Variants in EPM2A observed in about 807,000 individuals in gnomAD.
The protein encoded by EPM2A is laforin.
Under a neutral mutation model 26.5 loss-of-function variants are expected in EPM2A, and 21 were observed. The ratio of observed to expected loss-of-function variants is 0.79; its 90% CI spans 0.56 to 1.14. The LOEUF (loss-of-function observed/expected upper bound fraction) is 1.14, where lower values mean the gene tolerates loss of function less well. Ranked by LOEUF, EPM2A falls within the 50% of genes most tolerant of loss-of-function variation. The probability of loss-of-function intolerance (pLI) is 0.00; values close to 1 mark genes in which losing one functional copy is unlikely to be tolerated. For missense variants in EPM2A, 458 were observed against 440.8 expected, an observed-to-expected ratio of 1.04 and a Z score of -0.35; for synonymous variants, 217 against 177.6, an observed-to-expected ratio of 1.22 and a Z score of -1.76.
At chr6:145,490,269 C>T in intron 4 of EPM2A, 1 of 1,432,118 alleles carries the variant, frequency 7.0e-7, no homozygotes. Flanking sequence ...GGTTTACACC[C>T]AGTGTGTATT....
At chr6:145,693,006 T>C (rs1245780760) in intron 1 of EPM2A, among the ~76,000 whole-genome samples, 1 of 152,102 alleles carries the variant, frequency 6.6e-6, no homozygotes, top group Non-Finnish European at 1.5e-5. Flanking sequence ...CTTTGGGTAG[T>C]ATGGCCACTT....
intron 4 of EPM2A, among the ~76,000 whole-genome samples, chr6:145,464,857 T>C (rs1361333886): frequency 6.6e-6 from 1 of 152,194 alleles, no homozygotes; most frequent in Non-Finnish European, 1.5e-5. Flanking sequence ...GTAAGTCTGA[T>C]GGGCTTCCCT....
intron 4 of EPM2A, among the ~76,000 whole-genome samples, chr6:145,428,818 A>G (rs961153523): frequency 2.6e-5 from 4 of 152,360 alleles, no homozygotes; most frequent in Middle Eastern, 3.4e-3. Context: ...CTCAAGGACC[A>G]TTTGGAAGCC....
At chr6:145,409,711 T>C (rs1778618525) in intron 4 of EPM2A, among the ~76,000 whole-genome samples, 1 of 152,198 alleles carries the variant, frequency 6.6e-6, no homozygotes, top group Non-Finnish European at 1.5e-5. Context: ...TTTCATCTAC[T>C]ATATGAGCTA....
chr6:145,621,559 CTG>C (rs1775634247), downstream of EPM2A, among the ~76,000 whole-genome samples: 1 of 151,212 alleles, frequency 6.6e-6, no homozygotes, highest in African/African-American at 2.4e-5. Context: ...CTCACCAAGA[CTG>C]TGCAAGGATT....
intron 1 of EPM2A, among the ~76,000 whole-genome samples, chr6:145,691,376 A>G (rs1441199144): frequency 3.9e-5 from 6 of 152,164 alleles, no homozygotes; most frequent in African/African-American, 1.4e-4. Flanking sequence ...TCAACCAAGA[A>G]TCTTACTTTG....
At chr6:145,711,332 C>T (rs1562512153) in intron 1 of EPM2A, among the ~76,000 whole-genome samples, 1 of 152,158 alleles carries the variant, frequency 6.6e-6, no homozygotes, top group Non-Finnish European at 1.5e-5. Flanking sequence ...ACAGCCCAGC[C>T]TACAAAAGTT....
downstream of EPM2A, among the ~76,000 whole-genome samples, chr6:145,622,997 G>A (rs1040744244): frequency 5.3e-5 from 8 of 152,100 alleles, no homozygotes; most frequent in African/African-American, 1.7e-4. Context: ...TGTAAAACAG[G>A]GATAATATCC....
chr6:145,524,366 C>A (rs985914502), intron 2 of EPM2A, among the ~76,000 whole-genome samples: 6 of 152,126 alleles, frequency 3.9e-5, no homozygotes, highest in Admixed American at 2.0e-4. Context: ...CCAAACTGCT[C>A]TCCACAATGG....
rs577921434 is a variant in EPM2A at position 145,720,147 on chromosome 6, T to A, written c.301+15051A>T. ...CAATAAAAAGACAACATTATCAAGC[T>A]AAAATTTCAGATTCAAACTTCTAAC... is the stretch of plus-strand genomic sequence containing the variant. On this transcript the variant is annotated intron_variant, in intron 1 of 3. Transcript: ENST00000367519. Among the ~76,000 whole-genome samples, 183 of 152,250 alleles carry A rather than the reference T, an allele frequency of 1.2e-3. 1 individual carries two copies. Among genetic ancestry groups the A allele is most frequent in the Non-Finnish European group, 2.3e-3 (154 of 68,000 alleles).
chr6:145,669,351 G>A (rs1779480054), intron 2 of EPM2A, among the ~76,000 whole-genome samples: 1 of 152,136 alleles, frequency 6.6e-6, no homozygotes, highest in South Asian at 2.1e-4. Context: ...GTTTTTAACT[G>A]AACCTTCTTC....
At chr6:145,534,715 A>G (rs895332162) in intron 2 of EPM2A, among the ~76,000 whole-genome samples, 6 of 152,214 alleles carry the variant, frequency 3.9e-5, no homozygotes, top group Non-Finnish European at 7.3e-5. Context: ...CTAGTAATGC[A>G]GTTCTGATTT....
chr6:145,612,719 A>G (rs1480126236), intron 2 of EPM2A, among the ~76,000 whole-genome samples: 2 of 146,902 alleles, frequency 1.4e-5, no homozygotes, highest in African/African-American at 5.0e-5. Flanking sequence ...TTATTTATAT[A>G]TATTATATAT....
intron 1 of EPM2A, among the ~76,000 whole-genome samples, chr6:145,715,451 C>A (rs1249503598): frequency 6.6e-6 from 1 of 152,126 alleles, no homozygotes; most frequent in Non-Finnish European, 1.5e-5. Flanking sequence ...AGGAAGTGAT[C>A]TTTTTCTCAT....
intron 4 of EPM2A, among the ~76,000 whole-genome samples, chr6:145,430,967 C>T (rs1289517774): frequency 6.6e-6 from 1 of 152,084 alleles, no homozygotes; most frequent in African/African-American, 2.4e-5. Context: ...CCAGATATAT[C>T]TCTTCTCCAA....
rs1467309063 is a variant in EPM2A at position 145,606,984 on chromosome 6, T to C, written c.340+28261A>G. On this transcript the variant is annotated intron_variant, in intron 2 of 3. Transcript: ENST00000450221. ...CAATCAGAAGCTGACAAGTAATTTA[T>C]ATAATTTAGGAGCTTTTCAGCAGAA... Among the ~76,000 whole-genome samples, 5 of 152,272 alleles carry C rather than the reference T, an allele frequency of 3.3e-5. No homozygotes were observed. In the East Asian group the frequency reaches 9.6e-4, roughly 29 times the overall value.
intron 4 of EPM2A, among the ~76,000 whole-genome samples, chr6:145,455,720 T>G (rs1779255216): frequency 6.6e-6 from 1 of 152,192 alleles, no homozygotes. Context: ...CTCCAAATAT[T>G]TTAATGTTAG....
At chr6:145,716,545 G>A (rs918433150) in intron 1 of EPM2A, among the ~76,000 whole-genome samples, 2 of 152,058 alleles carry the variant, frequency 1.3e-5, no homozygotes, top group East Asian at 1.9e-4. Flanking sequence ...CCCTGCCCAC[G>A]TCCTCCAGGT....
At chr6:145,423,498 C>T (rs538764613) in intron 4 of EPM2A, among the ~76,000 whole-genome samples, 50 of 152,276 alleles carry the variant, frequency 3.3e-4, no homozygotes, top group African/African-American at 1.2e-3. Context: ...CCTGTTCCCC[C>T]TGGCCACAGT....
Sources: allele counts gnomAD v4.1 joint callset (sites outside exome capture counted in the v4.1 genomes callset), GRCh38; gene constraint gnomAD v4.1.1; transcripts MANE v1.5; gene names NCBI Gene and HGNC (gene_info 2026-07-23, HGNC 2026-07-21).